Variants in SNTG2 observed in about 807,000 individuals in gnomAD.
SNTG2 encodes gamma-2-syntrophin.
In SNTG2, 74 loss-of-function variants were observed where a neutral mutation model predicts 70.9. The ratio of observed to expected loss-of-function variants is 1.04; its 90% confidence interval spans 0.86 to 1.27. SNTG2 has a LOEUF of 1.27. SNTG2 is among the 50% of genes most tolerant of loss of function. SNTG2 has a pLI of 0.00. For synonymous variants in SNTG2, 278 were observed against 273.8 expected, an observed-to-expected ratio of 1.02 and a Z score of -0.15; for missense variants, 717 against 690.7, an observed-to-expected ratio of 1.04 and a Z score of -0.43.
At chr2:1,245,102 C>T (rs1677334750) in intron 11 of SNTG2, among the ~76,000 whole-genome samples, 3 of 128,802 alleles carry the variant, frequency 2.3e-5, no homozygotes, top group African/African-American at 9.2e-5. Flanking sequence ...AGGGGAACAT[C>T]ACACTCTGGG....
intron 6 of SNTG2, among the ~76,000 whole-genome samples, chr2:1,139,052 A>G (rs1418205512): frequency 6.6e-6 from 1 of 152,186 alleles, no homozygotes; most frequent in Non-Finnish European, 1.5e-5. Context: ...GGATCAGCAT[A>G]TTTCTTGGCC....
intron 16 of SNTG2, among the ~76,000 whole-genome samples, chr2:1,318,480 C>G (rs1212758040): frequency 1.3e-5 from 2 of 152,168 alleles, no homozygotes; most frequent in African/African-American, 4.8e-5. Flanking sequence ...AAAAGCAAAA[C>G]CTGAATGCAG....
At chr2:1,306,731 G>T (rs1026811425) in intron 14 of SNTG2, among the ~76,000 whole-genome samples, 1 of 148,492 alleles carries the variant, frequency 6.7e-6, no homozygotes, top group African/African-American at 2.5e-5. Flanking sequence ...TCAGCCGTGC[G>T]CTGTGTGAGC....
At chr2:1,351,718 C>T (rs560022935) in intron 16 of SNTG2, among the ~76,000 whole-genome samples, 4 of 152,330 alleles carry the variant, frequency 2.6e-5, no homozygotes, top group African/African-American at 9.6e-5. Flanking sequence ...GGAAAAGCAC[C>T]TGCTCATTTA....
At chr2:1,341,392 G>A (rs531111954) in intron 16 of SNTG2, 5 of 152,354 alleles carry the variant, frequency 3.3e-5, no homozygotes, top group Admixed American at 3.3e-4. Flanking sequence ...GGTCCAGATG[G>A]CTGAGGCCCG....
rs1010145687 is a variant in SNTG2, at chr2:1,299,720, G to A, written c.1285-8774G>A. ...AACTGCAATGCTGAGCTGTGGTGCC[G>A]GAAGCAATAAATGAGGAGTCAGGAC... On this transcript the variant is annotated intron_variant, in intron 14 of 16. Transcript: ENST00000308624. 5.3e-5 allele frequency among the ~76,000 whole-genome samples: 8 copies of A among 152,170 alleles called. No individual in the cohort carries two copies. In the South Asian group the frequency reaches 8.3e-4, roughly 16 times the overall value.
At chr2:1,270,237 A>G (rs1434535612) in intron 14 of SNTG2, among the ~76,000 whole-genome samples, 5 of 152,176 alleles carry the variant, frequency 3.3e-5, no homozygotes, top group Non-Finnish European at 7.3e-5. Context: ...GCATTTCAAA[A>G]TTAGATGGAC....
chr2:1,203,673 A>AAAATAT (rs1451954919), intron 8 of SNTG2, among the ~76,000 whole-genome samples: 6 of 115,540 alleles, frequency 5.2e-5, no homozygotes, highest in African/African-American at 1.9e-4. Context: ...CAAAAAAAAA[A>AAAATAT]ATATATATAT....
intron 1 of SNTG2, among the ~76,000 whole-genome samples, chr2:998,986 T>C (rs945924460): frequency 6.6e-6 from 1 of 152,124 alleles, no homozygotes; most frequent in Admixed American, 6.5e-5. Flanking sequence ...ACTAGGGTTC[T>C]ACTTTCAGGC....
intron 14 of SNTG2, among the ~76,000 whole-genome samples, chr2:1,269,654 G>A (rs150741078): frequency 4.1e-4 from 63 of 152,324 alleles, no homozygotes; most frequent in African/African-American, 1.5e-3. Context: ...GTGGAGAAGA[G>A]AAGGCATTCC....
At chr2:1,205,971 G>C (rs1457076411) in intron 8 of SNTG2, among the ~76,000 whole-genome samples, 1 of 152,078 alleles carries the variant, frequency 6.6e-6, no homozygotes, top group Non-Finnish European at 1.5e-5. Flanking sequence ...GTTCTGTTTT[G>C]TTCCTCATCT....
chr2:974,563 C>T lies in SNTG2; in HGVS notation c.72+23495C>T, dbSNP rs567857330. On this transcript the variant is annotated intron_variant, in intron 1 of 16. Transcript: ENST00000308624. ...CTGCCTCAGTCTTTGCTGGACCTGT[C>T]GAGGCTGCTGGTGAGGGAGGGAGAT... Among the ~76,000 whole-genome samples, 210 of 152,240 alleles carry T rather than the reference C, an allele frequency of 1.4e-3. 1 individual carries two copies. Among genetic ancestry groups the T allele is most frequent in the African/African-American group, 4.8e-3 (198 of 41,524 alleles).
At chr2:1,196,469 C>G (rs6720516) in intron 8 of SNTG2, among the ~76,000 whole-genome samples, 49,345 of 152,004 alleles carry the variant, frequency 0.32, 8,553 homozygotes, top group East Asian at 0.65. Flanking sequence ...TAAAGTAAGA[C>G]CTGAAAGCTT....
At chr2:1,243,830 G>A (rs28507895) in intron 11 of SNTG2, among the ~76,000 whole-genome samples, 33,263 of 152,200 alleles carry the variant, frequency 0.22, 5,780 homozygotes, top group African/African-American at 0.48. Context: ...GTTGAAGACC[G>A]GACTGGCCAA....
chr2:1,360,605 G>T (rs1056792545), intron 16 of SNTG2, among the ~76,000 whole-genome samples: 7 of 151,902 alleles, frequency 4.6e-5, no homozygotes, highest in Non-Finnish European at 8.8e-5. Context: ...ACTAAAAGAG[G>T]CTACTCTAGT....
intron 8 of SNTG2, among the ~76,000 whole-genome samples, chr2:1,187,727 C>G (rs1672333236): frequency 2.0e-5 from 3 of 152,086 alleles, no homozygotes; most frequent in Non-Finnish European, 4.4e-5. Context: ...AAGCAGAGAT[C>G]ATTTCCAAAG....
chr2:1,148,030 G>T lies in SNTG2; in HGVS notation c.411+10221G>T, dbSNP rs1375420258. ...AGTAACCTTGTCTGGAAGAGAGGGTGCTGGAATGAATGAGCTGGTGGTTGC... is the reference window on the plus strand; with the variant it reads ...AGTAACCTTGTCTGGAAGAGAGGGTTCTGGAATGAATGAGCTGGTGGTTGC... On this transcript the variant is annotated intron_variant, in intron 6 of 16. Coordinates refer to ENST00000308624, the MANE Select transcript of SNTG2 (RefSeq NM_018968.4). 5.3e-5 allele frequency among the ~76,000 whole-genome samples: 8 copies of T among 152,300 alleles called. 1 individual carries two copies. Among genetic ancestry groups the T allele is most frequent in the African/African-American group, 1.9e-4 (8 of 41,548 alleles).
intron 1 of SNTG2, among the ~76,000 whole-genome samples, chr2:967,912 G>A (rs922862230): frequency 6.6e-6 from 1 of 151,954 alleles, no homozygotes; most frequent in Non-Finnish European, 1.5e-5. Context: ...ACCTGTAATC[G>A]CAGTTACTCA....
chr2:1,308,406 C>A, intron 14 of SNTG2, 88 bp from the exon 15 acceptor site: 1 of 1,228,838 alleles, frequency 8.1e-7, no homozygotes, highest in Non-Finnish European at 1.2e-6. Context: ...TAATTTTTGA[C>A]CAAAGGGGGG....
Sources: allele counts gnomAD v4.1 joint callset (sites outside exome capture counted in the v4.1 genomes callset), GRCh38; gene constraint gnomAD v4.1.1; transcripts MANE v1.5; gene names NCBI Gene and HGNC (gene_info 2026-07-23, HGNC 2026-07-21).